The following STK3 variants were observed in gnomAD, a reference collection of about 807,000 sequenced individuals.
STK3 encodes the protein serine/threonine-protein kinase 3.
Under a neutral mutation model 58.0 loss-of-function variants are expected in STK3, and 41 were observed. The ratio of observed to expected loss-of-function variants is 0.71; its 90% CI spans 0.55 to 0.92. STK3 has a LOEUF of 0.92. Among genes scored for constraint, STK3 ranks in the 40% least tolerant of loss-of-function variants. The pLI is 0.00. For missense variants in STK3, 479 were observed against 602.7 expected (o/e 0.79, Z 2.15); for synonymous variants, 170 against 191.0 (o/e 0.89, Z 0.91).
chr8:98,883,487 C>A, downstream of STK3: 1 of 562,462 alleles, frequency 1.8e-6, no homozygotes, highest in Non-Finnish European at 3.2e-6. Flanking sequence ...GAAATCCAAA[C>A]ACTCTTCTGT....
chr8:98,519,280 AAAAC>A (rs149833591), intron 10 of STK3, among the ~76,000 whole-genome samples: 1,702 of 152,158 alleles, frequency 0.011, 26 homozygotes, highest in African/African-American at 0.038. Flanking sequence ...CTATACTGGT[AAAAC>A]AAACAAACAA....
chr8:98,601,611 A>G (rs2130060532), intron 6 of STK3: 1 of 152,356 alleles, frequency 6.6e-6, no homozygotes, highest in African/African-American at 2.4e-5. Context: ...TTAATAAAAT[A>G]GTGTAAGTGC....
In STK3 at chr8:98,588,204, T is replaced by C. The variant is rs571643172; in HGVS notation, c.822+7828A>G. 7.9e-3 allele frequency among the ~76,000 whole-genome samples: 1,200 copies of C among 151,978 alleles called. 12 individuals carry two copies. The highest frequency in any genetic ancestry group is 0.027 in the African/African-American group (1,131 of 41,224). On this transcript the variant is annotated intron_variant, in intron 7 of 10. Transcript: ENST00000419617. ...GTTTCTTCCTAGTCTCGATGGTCTT[T>C]ACACTTTGGCATGATTTTGCAGCGG...
intron 10 of STK3, among the ~76,000 whole-genome samples, chr8:98,497,123 T>G (rs1315940051): frequency 6.6e-6 from 1 of 152,070 alleles, no homozygotes; most frequent in African/African-American, 2.4e-5. Context: ...TGGAACACAA[T>G]TGAGGGTCCA....
intron 6 of STK3, among the ~76,000 whole-genome samples, chr8:98,700,459 G>A (rs925989901): frequency 1.3e-5 from 2 of 152,170 alleles, no homozygotes; most frequent in Admixed American, 6.5e-5. Flanking sequence ...CTTCTGCGTC[G>A]CTCACGCTGG....
chr8:98,881,210 T>C (rs1837779565), downstream of STK3: 1 of 152,182 alleles, frequency 6.6e-6, no homozygotes, highest in Non-Finnish European at 1.5e-5. Flanking sequence ...AAATGAGTTA[T>C]CAAGCCACGA....
chr8:98,941,847 G>GC (rs1421951546), intron 1 of STK3, among the ~76,000 whole-genome samples: 1 of 152,252 alleles, frequency 6.6e-6, no homozygotes, highest in African/African-American at 2.4e-5. Context: ...CCTTGGTGTC[G>GC]CAAGTCCAGA....
At chr8:98,929,716 C>G (rs1160418633) in intron 1 of STK3, among the ~76,000 whole-genome samples, 1 of 152,186 alleles carries the variant, frequency 6.6e-6, no homozygotes, top group Non-Finnish European at 1.5e-5. Flanking sequence ...GCCTCTTGGT[C>G]TCCCTTGACA....
chr8:98,880,656 G>A (rs550401279), downstream of STK3: 1 of 152,022 alleles, frequency 6.6e-6, no homozygotes, highest in Non-Finnish European at 1.5e-5. Flanking sequence ...ATAAAGGATG[G>A]GCAAAAGACA....
chr8:98,694,663 C>T (rs998317657), intron 6 of STK3, among the ~76,000 whole-genome samples: 11 of 152,172 alleles, frequency 7.2e-5, no homozygotes, highest in Non-Finnish European at 1.2e-4. Context: ...ATCCATGTCC[C>T]TACAAAGAAC....
intron 6 of STK3, among the ~76,000 whole-genome samples, chr8:98,701,331 C>T (rs1825595896): frequency 6.6e-6 from 1 of 152,118 alleles, no homozygotes; most frequent in Non-Finnish European, 1.5e-5. Flanking sequence ...ATACATACTT[C>T]CTAAGGCTGA....
intron 3 of STK3, among the ~76,000 whole-genome samples, chr8:98,409,749 A>G (rs1299176990): frequency 6.6e-6 from 1 of 152,224 alleles, no homozygotes; most frequent in Non-Finnish European, 1.5e-5. Context: ...GGGGGCTTGC[A>G]CTGCCCTTAA....
At chr8:98,480,864 A>G (rs982590187) in intron 10 of STK3, among the ~76,000 whole-genome samples, 1 of 152,256 alleles carries the variant, frequency 6.6e-6, no homozygotes, top group Non-Finnish European at 1.5e-5. Context: ...ACACATAGAC[A>G]TATACATACA....
At chr8:98,686,429 T>C (rs1420861849) in intron 6 of STK3, among the ~76,000 whole-genome samples, 1 of 152,200 alleles carries the variant, frequency 6.6e-6, no homozygotes, top group Non-Finnish European at 1.5e-5. Context: ...TGATTAAATT[T>C]AGTATTGACG....
intron 4 of STK3, among the ~76,000 whole-genome samples, chr8:98,722,446 G>A (rs908098593): frequency 6.6e-6 from 1 of 152,142 alleles, no homozygotes; most frequent in Admixed American, 6.5e-5. Flanking sequence ...GGAGGAGAGT[G>A]GAAGGAAATA....
intron 10 of STK3, among the ~76,000 whole-genome samples, chr8:98,497,176 G>A (rs933074216): frequency 2.0e-5 from 3 of 151,866 alleles, no homozygotes; most frequent in African/African-American, 7.3e-5. Flanking sequence ...TTTCTAGCAG[G>A]GTACCAAGAT....
chr8:98,574,353 T>G (rs1473367031), intron 8 of STK3, among the ~76,000 whole-genome samples: 3 of 152,170 alleles, frequency 2.0e-5, no homozygotes, highest in Non-Finnish European at 4.4e-5. Context: ...GCTACAGTTA[T>G]GAGACAGCTT....
intron 1 of STK3, among the ~76,000 whole-genome samples, chr8:98,821,565 G>A (rs745725551): frequency 6.6e-6 from 1 of 151,612 alleles, no homozygotes; most frequent in Non-Finnish European, 1.5e-5. Context: ...GGAGGCTGAG[G>A]TGAGAGGATC....
intron 6 of STK3, among the ~76,000 whole-genome samples, chr8:98,604,154 A>G (rs139939900): frequency 6.6e-6 from 1 of 152,226 alleles, no homozygotes; most frequent in Non-Finnish European, 1.5e-5. Context: ...TAGAAGCTTG[A>G]AAAAGCAAGG....
Sources: allele counts gnomAD v4.1 joint callset (sites outside exome capture counted in the v4.1 genomes callset), GRCh38; gene constraint gnomAD v4.1.1; transcripts MANE v1.5; gene names NCBI Gene and HGNC (gene_info 2026-07-23, HGNC 2026-07-21).